Variants in MFN1 observed in about 807,000 individuals in gnomAD.
MFN1 encodes mitofusin-1.
A neutral mutation model predicts 92.4 loss-of-function variants in MFN1; 65 were observed. The observed-to-expected ratio is 0.70, with a 90% CI of 0.58 to 0.86. MFN1 has a LOEUF of 0.86. Among genes scored for constraint, MFN1 ranks in the 40% least tolerant of loss-of-function variants. The pLI is 0.00. For synonymous variants in MFN1, 297 were observed against 300.9 expected (o/e 0.99, Z 0.13); for missense variants, 781 against 868.0 (o/e 0.90, Z 1.26).
At chr3:179,356,951 A>G (rs1169053635) in intron 3 of MFN1, among the ~76,000 whole-genome samples, 1 of 152,198 alleles carries the variant, frequency 6.6e-6, no homozygotes, top group Non-Finnish European at 1.5e-5. Context: ...CATCTCCCCA[A>G]GGAATTTGAG....
intron 9 of MFN1, 101 bp from the exon 10 acceptor site, chr3:179,375,119 C>G (rs1713187718): frequency 8.0e-7 from 1 of 1,256,994 alleles, no homozygotes; most frequent in Non-Finnish European, 1.1e-6. Flanking sequence ...ATCTTTATTT[C>G]TGTTTGGGTT....
intron 5 of MFN1, 131 bp downstream of exon 5, chr3:179,362,613 GA>G: frequency 1.4e-6 from 1 of 710,180 alleles, no homozygotes. Context: ...GATTAAGGAA[GA>G]GATATGGTAT....
intron 3 of MFN1, among the ~76,000 whole-genome samples, chr3:179,352,455 T>C (rs1712185338): frequency 6.6e-6 from 1 of 152,210 alleles, no homozygotes; most frequent in Admixed American, 6.5e-5. Flanking sequence ...AAGGACTTTC[T>C]AGAAATTCTT....
intron 16 of MFN1, among the ~76,000 whole-genome samples, chr3:179,389,450 TAAAC>T (rs1444397340): frequency 3.9e-5 from 6 of 152,074 alleles, no homozygotes; most frequent in African/African-American, 1.4e-4. Context: ...TCAGTTAAAA[TAAAC>T]TAAGTAAATA....
Position 179,363,415 on chromosome 3 carries a change from TAACTA to T in MFN1, c.537-879_537-875del, listed in dbSNP as rs200602342. Among the ~76,000 whole-genome samples the T allele has an allele frequency of 7.5e-3, 1,148 of 152,158 alleles. 5 individuals are homozygous for T. Among genetic ancestry groups the T allele is most frequent in the Non-Finnish European group, 0.01 (680 of 67,978 alleles). On this transcript the variant is annotated intron_variant, in intron 5 of 17. Transcript: ENST00000471841. ...AACAATTTAATTGTACATTTAAAAATAACTAAAAGAATATAATTGTATTGTTTGTA... is the reference window on the plus strand; with the variant it reads ...AACAATTTAATTGTACATTTAAAAATAAAGAATATAATTGTATTGTTTGTA...
intron 7 of MFN1, among the ~76,000 whole-genome samples, chr3:179,366,548 T>A (rs186954152): frequency 9.8e-5 from 15 of 152,286 alleles, no homozygotes; most frequent in Admixed American, 9.2e-4. Context: ...TAAAAATAAC[T>A]TAAACTATCC....
Position 179,394,532 on chromosome 3 carries a change from C to G in MFN1, c.*2473C>G, listed in dbSNP as rs1459704022. Reference sequence around the variant, plus strand: ...CCGGGTTCACGCCATTCTCCTGCCTCAGCCTCCCGAGTAGCTGGGACTACA... The same window carrying G: ...CCGGGTTCACGCCATTCTCCTGCCTGAGCCTCCCGAGTAGCTGGGACTACA... On this transcript the variant is annotated 3_prime_UTR_variant, in exon 18 of 18. Transcript: ENST00000471841. 1 of 149,948 alleles carries G rather than the reference C, an allele frequency of 6.7e-6. No homozygotes were observed. The allele number at this position is 149,948 out of a possible 1,614,324, so 9.3% of individuals were successfully genotyped here. A position where few individuals can be genotyped will look rare whatever the true frequency, so the allele number is the denominator to read the frequency against.
chr3:179,367,422 T>C lies in MFN1; in HGVS notation c.754-17T>C. 1.3e-6 allele frequency: 2 copies of C among 1,590,568 alleles called. No individual in the cohort carries two copies. The highest frequency in any genetic ancestry group is 1.7e-6 in the Non-Finnish European group (2 of 1,172,082). On this transcript the variant is annotated splice_polypyrimidine_tract_variant and intron_variant, in intron 7 of 17. Coordinates refer to ENST00000471841, the MANE Select transcript of MFN1 (RefSeq NM_033540.3). ...GTTTAAATTATTAGAATTCTTTTAATACCGTTTTCTCTGTAGGTACGCAGA... is the reference window on the plus strand; with the variant it reads ...GTTTAAATTATTAGAATTCTTTTAACACCGTTTTCTCTGTAGGTACGCAGA...
intron 16 of MFN1, among the ~76,000 whole-genome samples, chr3:179,387,184 G>C (rs1340014603): frequency 1.3e-5 from 2 of 151,956 alleles, no homozygotes; most frequent in African/African-American, 4.8e-5. Context: ...CAAGCCTCCT[G>C]AGTAGCTGAG....
In MFN1 at chr3:179,374,367, TAA is replaced by T. The variant is rs754171844; in HGVS notation, c.976-852_976-851del. Among the ~76,000 whole-genome samples the T allele has an allele frequency of 3.1e-3, 432 of 137,598 alleles. 11 individuals carry two copies. Among genetic ancestry groups the T allele is most frequent in the African/African-American group, 0.011 (393 of 36,446 alleles). 90.3% of individuals were successfully genotyped at this position (137,598 alleles called of 152,430 possible). ...ATATAACATATATAACATATATATG[TAA>T]TATATATATAACATATATAACATAT... On this transcript the variant is annotated intron_variant, in intron 9 of 17. Transcript: ENST00000471841.
intron 10 of MFN1, among the ~76,000 whole-genome samples, chr3:179,375,744 A>G (rs956326528): frequency 2.0e-5 from 3 of 152,160 alleles, no homozygotes; most frequent in Non-Finnish European, 2.9e-5. Flanking sequence ...TGAAATCACT[A>G]TTTTATACTA....
At chr3:179,370,392 CTTTTTTTTTTTTT>C (rs34938438) in intron 9 of MFN1, among the ~76,000 whole-genome samples, 1 of 88,068 alleles carries the variant, frequency 1.1e-5, no homozygotes, top group African/African-American at 4.5e-5. Flanking sequence ...TCACTAAGTT[CTTTTTTTTTTTTT>C]TTTTTTTTTT....
intron 4 of MFN1, 116 bp from the exon 5 acceptor site, chr3:179,362,242 C>T: frequency 9.6e-7 from 1 of 1,045,096 alleles, no homozygotes; most frequent in South Asian, 2.6e-5. Flanking sequence ...GGTTTTATTT[C>T]AGAGTTTTAC....
At chr3:179,359,419 CTTTTTTTTTTT>C (rs769518082) in intron 4 of MFN1, among the ~76,000 whole-genome samples, 1 of 124,798 alleles carries the variant, frequency 8.0e-6, no homozygotes, top group Non-Finnish European at 1.7e-5. Flanking sequence ...TGCACCCGGC[CTTTTTTTTTTT>C]TTTTTTTTGA....
chr3:179,378,300 T>C (rs967308873), intron 12 of MFN1, 41 bp from the exon 13 acceptor site: 1 of 1,409,174 alleles, frequency 7.1e-7, no homozygotes, highest in Admixed American at 2.1e-5. Context: ...CTACATACTT[T>C]CTGGAGAAAA....
intron 2 of MFN1, among the ~76,000 whole-genome samples, chr3:179,350,032 A>C (rs527577133): frequency 6.6e-6 from 1 of 152,130 alleles, no homozygotes; most frequent in Admixed American, 6.5e-5. Context: ...GACGCCTGTA[A>C]TCCTAGCTAC....
intron 4 of MFN1, 93 bp downstream of exon 4, chr3:179,359,095 G>T: frequency 2.3e-6 from 3 of 1,296,122 alleles, no homozygotes; most frequent in Non-Finnish European, 3.0e-6. Context: ...CTGCATCGCT[G>T]ACATCTTATA....
chr3:179,378,779 A>C lies in MFN1; in HGVS notation c.1627A>C (p.Arg543=). ...HRFLGPRNAQ[R]VLLGLSEPIF... ...ATTTTTGGGCCCTAGAAATGCTCAA[A>C]GGGTGCTCCTAGGATTATCAGAGCC... Residue 543 remains arginine, a synonymous_variant, in exon 14 of 18, where the codon AGG becomes CGG. Coordinates refer to ENST00000471841, the MANE Select transcript of MFN1 (RefSeq NM_033540.3). 2 of 1,613,738 alleles carry C rather than the reference A, an allele frequency of 1.2e-6. No homozygotes were observed. Among genetic ancestry groups the C allele is most frequent in the Non-Finnish European group, 1.7e-6 (2 of 1,179,738 alleles).
At chr3:179,350,236 C>A (rs1235691155) in intron 2 of MFN1, among the ~76,000 whole-genome samples, 4 of 151,876 alleles carry the variant, frequency 2.6e-5, no homozygotes, top group African/African-American at 9.7e-5. Flanking sequence ...AGTGGGGAAA[C>A]CTTTGGTAGA....
Sources: allele counts gnomAD v4.1 joint callset (sites outside exome capture counted in the v4.1 genomes callset), GRCh38; gene constraint gnomAD v4.1.1; transcripts MANE v1.5; gene names NCBI Gene and HGNC (gene_info 2026-07-23, HGNC 2026-07-21).